Variants in TNIK observed in about 807,000 individuals in gnomAD.
The protein encoded by TNIK is TRAF2 and NCK-interacting protein kinase.
TNIK carries 49 observed loss-of-function variants against 191.3 expected under a neutral mutation model. The observed-to-expected ratio is 0.26, with a 90% confidence interval of 0.20 to 0.32. The LOEUF is 0.32. TNIK is among the 10% of genes least tolerant of loss of function. TNIK has a pLI of 1.00. For missense variants in TNIK, 1,155 were observed against 1,702.3 expected (o/e 0.68, Z 5.66); for synonymous variants, 594 against 600.9 (o/e 0.99, Z 0.17).
At chr3:171,404,837 C>T (rs924558208) in intron 1 of TNIK, among the ~76,000 whole-genome samples, 3 of 152,178 alleles carry the variant, frequency 2.0e-5, no homozygotes, top group Non-Finnish European at 4.4e-5. Context: ...CTGGCGGTTT[C>T]TCCACTCAGC....
chr3:171,323,934 T>A (rs1755458621), intron 2 of TNIK, among the ~76,000 whole-genome samples: 1 of 152,154 alleles, frequency 6.6e-6, no homozygotes, highest in Non-Finnish European at 1.5e-5. Context: ...TTGATTTTCT[T>A]AGTGTTTCTA....
intron 22 of TNIK, among the ~76,000 whole-genome samples, chr3:171,100,950 C>G (rs1366788603): frequency 1.3e-5 from 2 of 152,092 alleles, no homozygotes; most frequent in Non-Finnish European, 2.9e-5. Flanking sequence ...TTGGAACTTT[C>G]TCTGCATGAT....
chr3:171,426,056 T>C (rs1724523474), intron 1 of TNIK, among the ~76,000 whole-genome samples: 1 of 152,074 alleles, frequency 6.6e-6, no homozygotes, highest in Non-Finnish European at 1.5e-5. Context: ...CATTACTGGG[T>C]ATATACCCAA....
At chr3:171,405,302 TA>T (rs1436528680) in intron 1 of TNIK, among the ~76,000 whole-genome samples, 3 of 152,120 alleles carry the variant, frequency 2.0e-5, no homozygotes, top group African/African-American at 7.2e-5. Context: ...TTTAGCTCTG[TA>T]AAGAAAACCA....
chr3:171,333,133 T>C (rs1756575144), intron 2 of TNIK, among the ~76,000 whole-genome samples: 1 of 152,160 alleles, frequency 6.6e-6, no homozygotes, highest in South Asian at 2.1e-4. Context: ...AATATTTTGT[T>C]TGATCCTAAT....
intron 1 of TNIK, among the ~76,000 whole-genome samples, chr3:171,395,484 C>T (rs1346355531): frequency 6.6e-6 from 1 of 152,126 alleles, no homozygotes; most frequent in Non-Finnish European, 1.5e-5. Flanking sequence ...AATACAGAGC[C>T]TACATTATAT....
chr3:171,210,355 A>G (rs1740643664), intron 4 of TNIK, among the ~76,000 whole-genome samples: 1 of 152,188 alleles, frequency 6.6e-6, no homozygotes, highest in Admixed American at 6.5e-5. Flanking sequence ...GGACTAAGTG[A>G]ATAAAAGTTC....
At chr3:171,435,798 A>G (rs1560071789) in intron 1 of TNIK, among the ~76,000 whole-genome samples, 1 of 152,322 alleles carries the variant, frequency 6.6e-6, no homozygotes, top group East Asian at 1.9e-4. Context: ...AGAAACACAC[A>G]TTATTGCTTA....
chr3:171,411,084 A>G (rs981391419), intron 1 of TNIK, among the ~76,000 whole-genome samples: 41 of 140,514 alleles, frequency 2.9e-4, no homozygotes, highest in Admixed American at 2.7e-3. Flanking sequence ...TTTTTTTTTT[A>G]GAGACAGGGC....
chr3:171,087,543 G>T, intron 23 of TNIK, 37 bp from the exon 24 acceptor site: 1 of 1,603,380 alleles, frequency 6.2e-7, no homozygotes, highest in Non-Finnish European at 8.5e-7. Context: ...GTTAGAGAGG[G>T]GGGAAAAAGG....
At chr3:171,101,095 C>T (rs1167400857) in intron 22 of TNIK, among the ~76,000 whole-genome samples, 1 of 152,000 alleles carries the variant, frequency 6.6e-6, no homozygotes, top group African/African-American at 2.4e-5. Context: ...TGTCATTGCC[C>T]ATGATTTCAG....
intron 1 of TNIK, among the ~76,000 whole-genome samples, chr3:171,418,565 A>T (rs1247669616): frequency 6.6e-6 from 1 of 152,222 alleles, no homozygotes; most frequent in Non-Finnish European, 1.5e-5. Flanking sequence ...CTTGAAAACA[A>T]TCTAAATGAA....
rs781747832 is a variant in TNIK at position 171,138,306 on chromosome 3, T to C, written c.1493A>G (p.Asp498Gly). Residue 498 changes from aspartate to glycine, a missense_variant, in exon 15 of 33, where the codon GAC becomes GGC. This residue lies in a region of TNIK where 735 missense variants were observed against 848.0 expected (regional missense o/e 0.87). Coordinates refer to ENST00000436636, the MANE Select transcript of TNIK (RefSeq NM_015028.4). ...CTGATGCTGAAGGGAAACTAAGTAGTCTCTTTCTTGCTTTAGCTGCCTCTG... is the reference window on the plus strand; with the variant it reads ...CTGATGCTGAAGGGAAACTAAGTAGCCTCTTTCTTGCTTTAGCTGCCTCTG... ...RLQRQLKQER[D>G]YLVSLQHQRQ... The C allele has an allele frequency of 3.7e-6, 6 of 1,613,300 alleles. No individual in the cohort carries two copies. The highest frequency in any genetic ancestry group is 5.1e-6 in the Non-Finnish European group (6 of 1,179,698).
intron 8 of TNIK, 69 bp from the exon 9 acceptor site, chr3:171,175,399 G>C: frequency 1.4e-6 from 2 of 1,392,122 alleles, no homozygotes; most frequent in Non-Finnish European, 2.0e-6. Flanking sequence ...CGTCTTGGCT[G>C]TGCAGATAAT....
At chr3:171,223,742 C>A (rs1055553281) in intron 3 of TNIK, among the ~76,000 whole-genome samples, 24 of 152,138 alleles carry the variant, frequency 1.6e-4, no homozygotes, top group African/African-American at 5.8e-4. Flanking sequence ...AGTAATCACT[C>A]ACTTAGTGTT....
chr3:171,262,017 C>T (rs975806602), intron 2 of TNIK, among the ~76,000 whole-genome samples: 2 of 152,112 alleles, frequency 1.3e-5, no homozygotes, highest in African/African-American at 2.4e-5. Context: ...TCAATCCTAA[C>T]CCAGCAGCGG....
chr3:171,407,883 G>A (rs550477232), intron 1 of TNIK, among the ~76,000 whole-genome samples: 1 of 152,284 alleles, frequency 6.6e-6, no homozygotes, highest in East Asian at 1.9e-4. Flanking sequence ...ACATTCAGGT[G>A]CCTCGTGGCT....
At chr3:171,231,026 C>A (rs1312847807) in intron 2 of TNIK, among the ~76,000 whole-genome samples, 1 of 152,230 alleles carries the variant, frequency 6.6e-6, no homozygotes, top group Non-Finnish European at 1.5e-5. Context: ...AGAGACTTTG[C>A]AGTAGATTTT....
chr3:171,077,807 ATATG>A (rs1440059718), intron 28 of TNIK, among the ~76,000 whole-genome samples: 3 of 151,332 alleles, frequency 2.0e-5, no homozygotes, highest in Admixed American at 1.3e-4. Flanking sequence ...ATATATATAC[ATATG>A]TATGTGTATA....
Sources: gnomAD v4.1 joint callset for allele counts (sites outside exome capture counted in the v4.1 genomes callset) on GRCh38, gnomAD v4.1.1 for gene constraint, gnomAD v4.1.1 regional missense constraint, MANE v1.5 for transcripts, NCBI Gene and HGNC (gene_info 2026-07-23, HGNC 2026-07-21) for gene names.